The following LGR6 variants were observed in gnomAD, a reference collection of about 807,000 sequenced individuals.
LGR6 encodes leucine rich repeat containing G protein-coupled receptor 6, also known as leucine-rich repeat-containing G protein-coupled receptor 6.
Under a neutral mutation model 69.4 loss-of-function variants are expected in LGR6, and 45 were observed. That is an observed-to-expected ratio of 0.65 (90% CI 0.51 to 0.83). The LOEUF (loss-of-function observed/expected upper bound fraction) is 0.83, where lower values mean the gene tolerates loss of function less well. Ranked by LOEUF, LGR6 falls within the 40% of genes least tolerant of loss-of-function variation. LGR6 has a pLI of 0.00. For missense variants in LGR6, 1,108 were observed against 1,246.7 expected, an observed-to-expected ratio of 0.89 and a Z score of 1.68; for synonymous variants, 538 against 555.0, an observed-to-expected ratio of 0.97 and a Z score of 0.43.
intron 1 of LGR6, chr1:202,214,324 C>G (rs1334444436): frequency 1.5e-6 from 2 of 1,290,468 alleles, no homozygotes; most frequent in African/African-American, 3.2e-5. Flanking sequence ...ACCGACGCGA[C>G]GGGTGGGGCG....
chr1:202,227,302 A>G (rs771513587), intron 2 of LGR6, among the ~76,000 whole-genome samples: 8 of 152,220 alleles, frequency 5.3e-5, no homozygotes, highest in Non-Finnish European at 1.0e-4. Flanking sequence ...ATCATCCACC[A>G]TTAAATTCTG....
intron 1 of LGR6, among the ~76,000 whole-genome samples, chr1:202,200,778 A>C (rs1424251275): frequency 6.6e-6 from 1 of 152,094 alleles, no homozygotes; most frequent in Non-Finnish European, 1.5e-5. Flanking sequence ...GGAGAAAAAC[A>C]CCCGAGAGGC....
intron 6 of LGR6, among the ~76,000 whole-genome samples, chr1:202,290,884 G>A (rs1002422961): frequency 2.6e-5 from 4 of 152,120 alleles, no homozygotes; most frequent in Admixed American, 6.6e-5. Context: ...AAAATAAAAA[G>A]CAAAAGAAGG....
At chr1:202,194,729 CTGGGAGG>C in intron 1 of LGR6, 1 of 306,094 alleles carries the variant, frequency 3.3e-6, no homozygotes, top group Non-Finnish European at 6.5e-6. Context: ...TTCCTAGAAG[CTGGGAGG>C]GGGGCCTTAT....
intron 15 of LGR6, among the ~76,000 whole-genome samples, chr1:202,309,578 G>A (rs1384075356): frequency 6.6e-6 from 1 of 152,260 alleles, no homozygotes; most frequent in African/African-American, 2.4e-5. Context: ...AAAACAAGCT[G>A]CGCAGCCAGG....
At chr1:202,239,776 T>TCA (rs1352760762) in intron 4 of LGR6, among the ~76,000 whole-genome samples, 5 of 152,156 alleles carry the variant, frequency 3.3e-5, no homozygotes, top group Non-Finnish European at 7.3e-5. Flanking sequence ...CTTCACTTAC[T>TCA]CACTTACTGC....
chr1:202,197,314 C>A (rs1381838234), intron 1 of LGR6: 1 of 492,338 alleles, frequency 2.0e-6, no homozygotes, highest in East Asian at 5.6e-5. Context: ...TGCCTTGACA[C>A]ACATGTCCAA....
Position 202,318,023 on chromosome 1 carries a change from C to G in LGR6, c.1720C>G (p.Leu574Val), listed in dbSNP as rs201729165. Residue 574 changes from leucine to valine, a missense_variant, in exon 18 of 18, where the codon CTC becomes GTC. By Grantham distance (32) the Leu-to-Val change is conservative (BLOSUM62 1). Transcript: ENST00000367278. ...IRLAVWAIVL[L>V]SVLCNGLVLL... is the part of the protein sequence containing the mutation. Reference sequence around the variant, plus strand: ...CCTGGCCGTGTGGGCCATCGTGTTGCTCTCCGTGCTCTGCAATGGACTGGT... The same window carrying G: ...CCTGGCCGTGTGGGCCATCGTGTTGGTCTCCGTGCTCTGCAATGGACTGGT... 1 of 1,613,998 alleles carries G rather than the reference C, an allele frequency of 6.2e-7. No individual in the cohort carries two copies. Among genetic ancestry groups the G allele is most frequent in the Non-Finnish European group, 8.5e-7 (1 of 1,180,010 alleles).
At chr1:202,194,699 T>TGGGGCGGGGG in intron 1 of LGR6, 1 of 94,696 alleles carries the variant, frequency 1.1e-5, no homozygotes, top group Non-Finnish European at 2.0e-5. Context: ...GTGGCCTTCG[T>TGGGGCGGGGG]GGGGGCGGGG....
Position 202,318,752 on chromosome 1 carries a change from C to T in LGR6, c.2449C>T (p.Pro817Ser), listed in dbSNP as rs1452335874. The change falls in exon 18 of 18, where the codon CCC becomes TCC. Residue 817 changes from proline to serine, a missense_variant. Physicochemically the swap from Pro to Ser is moderately conservative, Grantham distance 74 (BLOSUM62 -1). Transcript: ENST00000367278. The stretch of plus-strand genomic sequence containing the variant: ...CAAGTCTGTCCTGCTGGTGGTGCTG[C>T]CCCTGCCTGCCTGCCTCAACCCACT... ...AVKSVLLVVLPLPACLNPLLY... is the reference protein window; with the variant it reads ...AVKSVLLVVLSLPACLNPLLY... 5 of 1,613,472 alleles carry T rather than the reference C, an allele frequency of 3.1e-6. No individual in the cohort carries two copies. Among genetic ancestry groups the T allele is most frequent in the African/African-American group, 1.3e-5 (1 of 74,928 alleles).
At chr1:202,197,585 G>T in intron 1 of LGR6, 1 of 381,546 alleles carries the variant, frequency 2.6e-6, no homozygotes. Flanking sequence ...AAGGCATGAT[G>T]CCTCTTGTTC....
chr1:202,259,749 G>C (rs891772698), intron 4 of LGR6, among the ~76,000 whole-genome samples: 1 of 150,650 alleles, frequency 6.6e-6, no homozygotes, highest in African/African-American at 2.4e-5. Flanking sequence ...TCAAATTTTA[G>C]CCACCCTGGC....
At chr1:202,214,307 C>A in intron 1 of LGR6, 2 of 1,404,448 alleles carry the variant, frequency 1.4e-6, no homozygotes, top group Non-Finnish European at 1.9e-6. Flanking sequence ...GGGAGCAGGA[C>A]CCAGAAACCG....
intron 4 of LGR6, among the ~76,000 whole-genome samples, chr1:202,254,828 C>T (rs1053809642): frequency 6.8e-6 from 1 of 147,906 alleles, no homozygotes; most frequent in Non-Finnish European, 1.5e-5. Flanking sequence ...GAGGCTGAGG[C>T]GGGAGGATCT....
intron 5 of LGR6, among the ~76,000 whole-genome samples, chr1:202,279,673 C>T (rs547353245): frequency 1.9e-4 from 29 of 152,280 alleles, no homozygotes; most frequent in African/African-American, 7.0e-4. Context: ...TTCTCTGCTC[C>T]AGAAACATCA....
At chr1:202,217,745 C>G (rs1388398969) in intron 1 of LGR6, among the ~76,000 whole-genome samples, 1 of 152,174 alleles carries the variant, frequency 6.6e-6, no homozygotes, top group Admixed American at 6.5e-5. Context: ...CACAAGCCCT[C>G]CTGCCACTCC....
chr1:202,238,639 G>C (rs1571869754), intron 4 of LGR6, among the ~76,000 whole-genome samples: 1 of 151,912 alleles, frequency 6.6e-6, no homozygotes, highest in Non-Finnish European at 1.5e-5. Context: ...TGGCCAGGCT[G>C]GTCTCGAACT....
intron 4 of LGR6, among the ~76,000 whole-genome samples, chr1:202,260,508 AT>A (rs1156311931): frequency 6.6e-6 from 1 of 152,008 alleles, no homozygotes; most frequent in Non-Finnish European, 1.5e-5. Flanking sequence ...TAATTTTTGT[AT>A]TTTTAGTAGA....
chr1:202,287,073 G>C (rs1029905839), intron 6 of LGR6, among the ~76,000 whole-genome samples: 1 of 152,208 alleles, frequency 6.6e-6, no homozygotes, highest in Non-Finnish European at 1.5e-5. Flanking sequence ...CACAGGTTCC[G>C]TAGTAGATGT....
Sources: gnomAD v4.1 joint callset for allele counts (sites outside exome capture counted in the v4.1 genomes callset) on GRCh38, gnomAD v4.1.1 for gene constraint, MANE v1.5 for transcripts, NCBI Gene and HGNC (gene_info 2026-07-23, HGNC 2026-07-21) for gene names.